The following SDK1 variants were observed in gnomAD, a reference collection of about 807,000 sequenced individuals.
The protein encoded by SDK1 is sidekick cell adhesion molecule 1, also known as protein sidekick-1.
A neutral mutation model predicts 245.5 loss-of-function variants in SDK1; 157 were observed. The observed-to-expected ratio is 0.64, with a 90% confidence interval of 0.56 to 0.73. The LOEUF (loss-of-function observed/expected upper bound fraction) is 0.73, where lower values mean the gene tolerates loss of function less well. Among genes scored for constraint, SDK1 ranks in the 30% least tolerant of loss-of-function variants. The probability of loss-of-function intolerance (pLI) is 0.00; values close to 1 mark genes in which losing one functional copy is unlikely to be tolerated. For missense variants in SDK1, 3,583 were observed against 3,002.3 expected (o/e 1.19, Z -4.52); for synonymous variants, 1,647 against 1,278.5 (o/e 1.29, Z -6.15).
intron 4 of SDK1, among the ~76,000 whole-genome samples, chr7:3,709,696 GA>G (rs578194537): frequency 6.6e-6 from 1 of 151,890 alleles, no homozygotes; most frequent in Non-Finnish European, 1.5e-5. Flanking sequence ...CCACCATATT[GA>G]AAAAAAGAAG....
chr7:4,047,707 C>T (rs540631789), intron 17 of SDK1, among the ~76,000 whole-genome samples: 1 of 152,308 alleles, frequency 6.6e-6, no homozygotes, highest in East Asian at 1.9e-4. Context: ...CGCTCTGTGA[C>T]GGGTGAGCAG....
At chr7:4,095,905 G>A (rs967669502) in intron 22 of SDK1, among the ~76,000 whole-genome samples, 2 of 152,202 alleles carry the variant, frequency 1.3e-5, no homozygotes, top group African/African-American at 4.8e-5. Context: ...CTAGCTAGGT[G>A]CCTGGAATTT....
chr7:4,132,995 C>T (rs368494179), intron 28 of SDK1, among the ~76,000 whole-genome samples: 4 of 152,086 alleles, frequency 2.6e-5, no homozygotes, highest in Non-Finnish European at 5.9e-5. Context: ...CGTTTGTAAC[C>T]GACCTTCCCT....
chr7:4,005,437 T>TG (rs1785405074), intron 14 of SDK1, among the ~76,000 whole-genome samples: 30 of 148,358 alleles, frequency 2.0e-4, no homozygotes, highest in African/African-American at 6.0e-4. Context: ...TGTGTGTGTG[T>TG]TAATACTTCT....
chr7:3,323,502 G>A (rs193045047), intron 1 of SDK1, among the ~76,000 whole-genome samples: 62 of 152,288 alleles, frequency 4.1e-4, no homozygotes, highest in Admixed American at 1.4e-3. Flanking sequence ...TGCTGGTCAT[G>A]TTCAGTTCCT....
At chr7:3,474,855 G>A (rs1583913062) in intron 1 of SDK1, among the ~76,000 whole-genome samples, 1 of 152,028 alleles carries the variant, frequency 6.6e-6, no homozygotes, top group Non-Finnish European at 1.5e-5. Flanking sequence ...ATCATACCTG[G>A]CTAATGTTTT....
intron 5 of SDK1, among the ~76,000 whole-genome samples, chr7:3,928,470 A>T (rs1395576076): frequency 1.3e-5 from 2 of 152,220 alleles, no homozygotes; most frequent in Non-Finnish European, 2.9e-5. Context: ...TTAATAAAGG[A>T]TGGTGAAGAA....
chr7:3,644,015 G>C (rs1300286326), intron 4 of SDK1, among the ~76,000 whole-genome samples: 1 of 151,124 alleles, frequency 6.6e-6, no homozygotes, highest in Non-Finnish European at 1.5e-5. Context: ...CGATTCTCCT[G>C]CCTCAGCCTC....
chr7:3,844,657 C>A (rs184411168), intron 5 of SDK1, among the ~76,000 whole-genome samples: 1 of 152,294 alleles, frequency 6.6e-6, no homozygotes, highest in East Asian at 1.9e-4. Flanking sequence ...AGAGTTTACA[C>A]AGAAAAATCC....
At chr7:3,930,664 A>C (rs1779945442) in intron 5 of SDK1, among the ~76,000 whole-genome samples, 2 of 152,188 alleles carry the variant, frequency 1.3e-5, no homozygotes, top group Non-Finnish European at 1.5e-5. Context: ...ATGGTGGCAC[A>C]CACCTGTAAT....
chr7:4,039,982 T>G (rs1045496688), intron 17 of SDK1, among the ~76,000 whole-genome samples: 6 of 152,192 alleles, frequency 3.9e-5, no homozygotes, highest in African/African-American at 1.2e-4. Flanking sequence ...CGCCCCCACA[T>G]GCTGAGCATG....
intron 4 of SDK1, among the ~76,000 whole-genome samples, chr7:3,764,241 G>A (rs545419594): frequency 6.6e-6 from 1 of 152,268 alleles, no homozygotes; most frequent in East Asian, 1.9e-4. Context: ...CTGTATTTAA[G>A]GGAGATTGAT....
At chr7:3,315,374 A>G (rs1397694494) in intron 1 of SDK1, among the ~76,000 whole-genome samples, 3 of 150,326 alleles carry the variant, frequency 2.0e-5, no homozygotes, top group Non-Finnish European at 4.4e-5. Flanking sequence ...AGTTAAGGTC[A>G]CTCACTTCAT....
At position 3,439,440 on chromosome 7, in the gene SDK1, T is replaced by TA. The variant is rs1780129457; in HGVS notation, c.298+137557dup. On this transcript the variant is annotated intron_variant, in intron 1 of 44. Coordinates refer to ENST00000404826, the MANE Select transcript of SDK1 (RefSeq NM_152744.4). ...CTAGAGCACTAGTGAAGAGTAATGT[T>TA]AGATTGTTTCGGGTTTGGTCAACCT... Among the ~76,000 whole-genome samples the TA allele has an allele frequency of 1.3e-5, 2 of 152,138 alleles. 1 individual carries two copies. Among genetic ancestry groups the TA allele is most frequent in the African/African-American group, 4.8e-5 (2 of 41,428 alleles).
At chr7:3,765,213 G>A (rs889653668) in intron 4 of SDK1, among the ~76,000 whole-genome samples, 11 of 152,040 alleles carry the variant, frequency 7.2e-5, no homozygotes, top group African/African-American at 2.4e-4. Flanking sequence ...TTTTACTCAG[G>A]ATAATGTTTC....
chr7:3,805,334 A>G (rs1779214788), intron 4 of SDK1, among the ~76,000 whole-genome samples: 1 of 152,238 alleles, frequency 6.6e-6, no homozygotes, highest in Non-Finnish European at 1.5e-5. Context: ...AAATAGAGGC[A>G]GTTCACTTTT....
At chr7:4,149,888 G>A (rs1780239739) in intron 30 of SDK1, among the ~76,000 whole-genome samples, 1 of 152,180 alleles carries the variant, frequency 6.6e-6, no homozygotes, top group South Asian at 2.1e-4. Context: ...GTTCTCGAAA[G>A]CAGCAGGGAG....
intron 1 of SDK1, among the ~76,000 whole-genome samples, chr7:3,541,678 A>T (rs1028678286): frequency 1.3e-5 from 2 of 152,168 alleles, no homozygotes; most frequent in Admixed American, 6.5e-5. Context: ...AGTCCATGTC[A>T]CTAATTTCTG....
chr7:3,661,367 C>G (rs917792866), intron 4 of SDK1, among the ~76,000 whole-genome samples: 15 of 152,114 alleles, frequency 9.9e-5, no homozygotes, highest in African/African-American at 3.6e-4. Context: ...AGTACTTGTG[C>G]TAATTAAAGT....
Sources: allele counts gnomAD v4.1 joint callset (sites outside exome capture counted in the v4.1 genomes callset), GRCh38; gene constraint gnomAD v4.1.1; transcripts MANE v1.5; gene names NCBI Gene and HGNC (gene_info 2026-07-23, HGNC 2026-07-21).